COL22A1: variants seen among roughly 807,000 people sequenced by gnomAD.
The protein encoded by COL22A1 is collagen type XXII alpha 1 chain, also known as collagen alpha-1(XXII) chain.
In COL22A1, 221 loss-of-function variants were observed where a neutral mutation model predicts 248.9. The observed-to-expected ratio is 0.89, with a 90% CI of 0.80 to 0.99. The LOEUF is 0.99. COL22A1 is among the 50% of genes least tolerant of loss of function. The pLI, the probability that COL22A1 is intolerant of heterozygous loss-of-function variation, is 0.00. For missense variants in COL22A1, 2,240 were observed against 2,179.0 expected, an observed-to-expected ratio of 1.03 and a Z score of -0.56; for synonymous variants, 891 against 793.4, an observed-to-expected ratio of 1.12 and a Z score of -2.07.
At chr8:138,770,724 C>T (rs942489162) in intron 16 of COL22A1, among the ~76,000 whole-genome samples, 3 of 152,188 alleles carry the variant, frequency 2.0e-5, no homozygotes, top group African/African-American at 7.2e-5. Flanking sequence ...TTCGGCATCA[C>T]GCAACCCAGG....
intron 45 of COL22A1, among the ~76,000 whole-genome samples, chr8:138,652,879 T>C (rs894832271): frequency 6.6e-6 from 1 of 150,686 alleles, no homozygotes; most frequent in South Asian, 2.1e-4. Flanking sequence ...CCCAAGCAGC[T>C]GGGAATACAG....
intron 16 of COL22A1, among the ~76,000 whole-genome samples, chr8:138,768,304 G>A (rs1260277654): frequency 6.6e-6 from 1 of 152,158 alleles, no homozygotes; most frequent in Admixed American, 6.5e-5. Context: ...GCAGTTGCAC[G>A]GCACTGTTGA....
intron 25 of COL22A1, among the ~76,000 whole-genome samples, chr8:138,722,959 T>C (rs367567169): frequency 1.1e-4 from 16 of 150,194 alleles, no homozygotes; most frequent in African/African-American, 3.2e-4. Context: ...CTGGGCTTAA[T>C]ACCCAGGTGA....
chr8:138,734,094 C>T (rs916754412), intron 23 of COL22A1, among the ~76,000 whole-genome samples: 1 of 152,302 alleles, frequency 6.6e-6, no homozygotes, highest in South Asian at 2.1e-4. Context: ...TGCCTTTCAC[C>T]CTTTCTGCCT....
rs1177279995 is a variant in COL22A1 at position 138,878,033 on chromosome 8, C to G, written c.375G>C (p.Thr125=). The change falls in exon 3 of 65, where the codon ACG becomes ACC. Residue 125 remains threonine (T), a synonymous_variant. Transcript: ENST00000303045. ...CGGCGTGTGGGGAGAAGCTGCGGGC[C>G]GTGATGTAGCGGAGCGCGTCTCCCG... ...TNTGDALRYI[T]ARSFSPHAGG... is the part of the protein sequence containing the mutation. The G allele has an allele frequency of 1.3e-6, 2 of 1,590,954 alleles. No homozygotes were observed. Among genetic ancestry groups the G allele is most frequent in the Admixed American group, 1.8e-5 (1 of 56,786 alleles).
chr8:138,870,260 C>T (rs532937042), intron 3 of COL22A1, among the ~76,000 whole-genome samples: 18 of 150,976 alleles, frequency 1.2e-4, no homozygotes, highest in African/African-American at 4.4e-4. Flanking sequence ...TGTGTGGGTG[C>T]TGTTTGTATA....
intron 30 of COL22A1, among the ~76,000 whole-genome samples, chr8:138,708,512 A>G (rs1828679663): frequency 6.6e-6 from 1 of 152,256 alleles, no homozygotes; most frequent in African/African-American, 2.4e-5. Flanking sequence ...TCTTTGACAA[A>G]CATGACAAAA....
At chr8:138,769,015 C>T (rs1834141691) in intron 16 of COL22A1, among the ~76,000 whole-genome samples, 1 of 152,176 alleles carries the variant, frequency 6.6e-6, no homozygotes, top group African/African-American at 2.4e-5. Context: ...TCTCCTGTCT[C>T]TCCAGCCCCC....
In COL22A1 at chr8:138,626,221, G is replaced by A. The variant is rs1312719809; in HGVS notation, c.3686C>T (p.Pro1229Leu). Residue 1229 changes from proline to leucine, a missense_variant, in exon 51 of 65, where the codon CCC becomes CTC. By Grantham distance (98) the Pro-to-Leu change is moderately conservative (BLOSUM62 -3). Coordinates refer to ENST00000303045, the MANE Select transcript of COL22A1 (RefSeq NM_152888.3). ...TCCGGGTAATCCAGATGGGCCTTGG[G>A]GGCCAGGAGGGCCTTCTTTCCCCTA... ...GSPGKEGPPG[P>L]QGPSGLPGIP... 1.2e-6 allele frequency: 2 copies of A among 1,606,720 alleles called. No individual in the cohort carries two copies. Among genetic ancestry groups the A allele is most frequent in the Non-Finnish European group, 1.7e-6 (2 of 1,177,482 alleles).
chr8:138,659,533 C>T (rs1823598371), intron 44 of COL22A1, among the ~76,000 whole-genome samples: 1 of 152,230 alleles, frequency 6.6e-6, no homozygotes, highest in African/African-American at 2.4e-5. Flanking sequence ...GCTGCTGTCT[C>T]TTCCATCTTA....
intron 13 of COL22A1, among the ~76,000 whole-genome samples, chr8:138,780,622 C>T (rs930756280): frequency 6.6e-6 from 1 of 152,170 alleles, no homozygotes; most frequent in African/African-American, 2.4e-5. Flanking sequence ...AATCCATTGC[C>T]TCGCTGGGGC....
At chr8:138,697,976 G>T (rs183343410) in intron 32 of COL22A1, among the ~76,000 whole-genome samples, 27 of 152,340 alleles carry the variant, frequency 1.8e-4, no homozygotes, top group Non-Finnish European at 3.2e-4. Context: ...TGCAGAGCCT[G>T]CAGGAAGGAT....
At chr8:138,599,032 T>C in intron 60 of COL22A1, 134 bp from the exon 61 acceptor site, 1 of 826,766 alleles carries the variant, frequency 1.2e-6, no homozygotes, top group Non-Finnish European at 2.0e-6. Flanking sequence ...GGCCCATGTG[T>C]GGCTTGGGGT....
intron 3 of COL22A1, among the ~76,000 whole-genome samples, chr8:138,850,020 T>A (rs570242487): frequency 2.7e-4 from 41 of 152,262 alleles, no homozygotes; most frequent in Admixed American, 2.4e-3. Flanking sequence ...ACAAGTAACT[T>A]TCCTAGTAAT....
At chr8:138,715,330 G>A (rs942051312) in intron 30 of COL22A1, among the ~76,000 whole-genome samples, 2 of 152,048 alleles carry the variant, frequency 1.3e-5, no homozygotes, top group African/African-American at 4.8e-5. Flanking sequence ...ACCCAAGGCA[G>A]ACAGATCACC....
chr8:138,874,972 C>A (rs1823601849), intron 3 of COL22A1, among the ~76,000 whole-genome samples: 1 of 152,130 alleles, frequency 6.6e-6, no homozygotes, highest in Admixed American at 6.5e-5. Context: ...TCCTGCGTAC[C>A]TCAGTATCCC....
intron 30 of COL22A1, 61 bp downstream of exon 30, chr8:138,715,621 T>C: frequency 8.6e-7 from 1 of 1,159,848 alleles, no homozygotes. Context: ...GAAAATCTCT[T>C]CCTTTAGAAA....
chr8:138,765,746 G>A (rs755405145), intron 16 of COL22A1, among the ~76,000 whole-genome samples: 4 of 152,186 alleles, frequency 2.6e-5, no homozygotes, highest in South Asian at 2.1e-4. Flanking sequence ...TGCAGACGGC[G>A]GGGAGGCAGG....
chr8:138,672,071 G>T (rs1443551835), intron 41 of COL22A1, among the ~76,000 whole-genome samples: 1 of 152,178 alleles, frequency 6.6e-6, no homozygotes, highest in Non-Finnish European at 1.5e-5. Flanking sequence ...ACATTATTCA[G>T]GGGCCAACTG....
Sources: allele counts gnomAD v4.1 joint callset (sites outside exome capture counted in the v4.1 genomes callset), GRCh38; gene constraint gnomAD v4.1.1; transcripts MANE v1.5; gene names NCBI Gene and HGNC (gene_info 2026-07-23, HGNC 2026-07-21).